Variants in FDFT1 observed in about 807,000 individuals in gnomAD.
The protein encoded by FDFT1 is farnesyl-diphosphate farnesyltransferase 1.
Under a neutral mutation model 46.8 loss-of-function variants are expected in FDFT1, and 68 were observed. The ratio of observed to expected loss-of-function variants is 1.45; its 90% CI spans 1.19 to 1.78. The LOEUF is 1.78. Among genes scored for constraint, FDFT1 ranks in the 40% most tolerant of loss-of-function variants. The pLI, the probability that FDFT1 is intolerant of heterozygous loss-of-function variation, is 0.00. For missense variants in FDFT1, 928 were observed against 524.4 expected, an observed-to-expected ratio of 1.77 and a Z score of -7.52; for synonymous variants, 351 against 185.1, an observed-to-expected ratio of 1.90 and a Z score of -7.28.
chr8:11,827,450 CAAGGTTGGA>C (rs1227905485), intron 5 of FDFT1, among the ~76,000 whole-genome samples: 1,981 of 151,176 alleles, frequency 0.013, 45 homozygotes, highest in African/African-American at 0.045. Context: ...CGCAGGAGCT[CAAGGTTGGA>C]TTGAGTTGTA....
chr8:11,813,103 G>T (rs1016184760), intron 3 of FDFT1, among the ~76,000 whole-genome samples: 1 of 152,166 alleles, frequency 6.6e-6, no homozygotes, highest in Non-Finnish European at 1.5e-5. Flanking sequence ...GAGCACAGTG[G>T]TAAGTATTTG....
In FDFT1 at chr8:11,830,255, G is replaced by T; in HGVS notation, c.714G>T (p.Arg238Ser). The T allele has an allele frequency of 2.5e-6, 4 of 1,613,748 alleles. No homozygotes were observed. Among genetic ancestry groups the T allele is most frequent in the Non-Finnish European group, 3.4e-6 (4 of 1,179,686 alleles). Residue 238 changes from arginine to serine, a missense_variant, in exon 6 of 8, where the codon AGG becomes AGT. Transcript: ENST00000220584. ...REFWPQEVWSRYVKKLGDFAK... is the reference protein window; with the variant it reads ...REFWPQEVWSSYVKKLGDFAK... ...TCTTATCTGTCTAGGTTTGGAGCAGGTATGTTAAGAAGTTAGGGGATTTTG... is the reference window on the plus strand; with the variant it reads ...TCTTATCTGTCTAGGTTTGGAGCAGTTATGTTAAGAAGTTAGGGGATTTTG...
chr8:11,820,212 G>T (rs191947077), intron 3 of FDFT1, among the ~76,000 whole-genome samples: 3 of 152,210 alleles, frequency 2.0e-5, no homozygotes, highest in Admixed American at 1.3e-4. Context: ...CCTTCCTCTG[G>T]AAGCTTCGTC....
rs1047469530 is a variant in FDFT1 at position 11,839,113 on chromosome 8, G to A, written c.*504G>A. On this transcript the variant is annotated 3_prime_UTR_variant, in exon 8 of 8. Coordinates refer to ENST00000220584, the MANE Select transcript of FDFT1 (RefSeq NM_004462.5). ...TAGGTAACAGTTAGATGTTTCCTAA[G>A]AATGCAAACTGCCTTTTCCACACAA... The A allele has an allele frequency of 6.4e-6, 1 of 155,764 alleles. No homozygotes were observed. Among genetic ancestry groups the A allele is most frequent in the Admixed American group, 6.3e-5 (1 of 15,984 alleles). The allele number at this position is 155,764 out of a possible 1,614,324, so 9.6% of individuals were successfully genotyped here.
chr8:11,824,939 C>G (rs2686202), intron 4 of FDFT1, among the ~76,000 whole-genome samples: 82,795 of 151,882 alleles, frequency 0.55, 23,099 homozygotes, highest in Non-Finnish European at 0.6. Flanking sequence ...GTTTCACCGT[C>G]TTAGCCAGGA....
intron 1 of FDFT1, chr8:11,808,080 G>A (rs548880093): frequency 2.3e-4 from 44 of 190,594 alleles, no homozygotes; most frequent in Non-Finnish European, 2.5e-4. Flanking sequence ...AACCTAATCG[G>A]CTGTCTAGGG....
exon 1 of FDFT1, chr8:11,795,696 T>A (rs1002276265): frequency 6.6e-6 from 1 of 151,842 alleles, no homozygotes; most frequent in Non-Finnish European, 1.5e-5. Context: ...ACTCACAGGG[T>A]AGGTTTGCAG....
intron 7 of FDFT1, among the ~76,000 whole-genome samples, chr8:11,832,013 G>C (rs1390355919): frequency 6.6e-6 from 1 of 152,202 alleles, no homozygotes; most frequent in Admixed American, 6.5e-5. Context: ...TGTCTGTGCT[G>C]ATGCAGTGCG....
In FDFT1 at chr8:11,825,940, G is replaced by C. The variant is rs78210988; in HGVS notation, c.511-84G>C. 8.5e-4 allele frequency: 779 copies of C among 917,110 alleles called. 10 individuals carry two copies. The East Asian group carries it at 0.018, about 21-fold the overall frequency. 56.8% of individuals were successfully genotyped at this position (917,110 alleles called of 1,614,324 possible). A position where few individuals can be genotyped will look rare whatever the true frequency, so the allele number is the denominator to read the frequency against. On this transcript the variant is annotated intron_variant, in intron 4 of 7. Transcript: ENST00000220584. ...TTCTTACCCATTCTCTTTTGAACCT[G>C]CTTTTTTGTAGCTAATGATCTCTAG...
chr8:11,833,462 G>A (rs1051228924), intron 7 of FDFT1, among the ~76,000 whole-genome samples: 2 of 152,208 alleles, frequency 1.3e-5, no homozygotes, highest in East Asian at 3.8e-4. Flanking sequence ...AAGTAGTTGA[G>A]AGTGTTTTGG....
chr8:11,826,904 C>T (rs868338729), intron 5 of FDFT1, among the ~76,000 whole-genome samples: 6 of 152,144 alleles, frequency 3.9e-5, no homozygotes, highest in African/African-American at 1.2e-4. Flanking sequence ...GCCTGGATTA[C>T]GTCTACACAG....
rs5889385 is a variant in FDFT1 at position 11,804,600 on chromosome 8, CTT to C, written c.99+1689_99+1690del. Among the ~76,000 whole-genome samples, 230 of 97,336 alleles carry C rather than the reference CTT, an allele frequency of 2.4e-3. 1 individual carries two copies. The highest frequency in any genetic ancestry group is 6.5e-3 in the Middle Eastern group (1 of 154). The allele number at this position is 97,336 out of a possible 152,430, so 63.9% of individuals were successfully genotyped here. A position where few individuals can be genotyped will look rare whatever the true frequency, so the allele number is the denominator to read the frequency against. On this transcript the variant is annotated intron_variant, in intron 1 of 7. Coordinates refer to ENST00000220584, the MANE Select transcript of FDFT1 (RefSeq NM_004462.5). ...TTCACTTAACATTATCTTAGTTTCT[CTT>C]TTTTTTTTTTTTTTTTTTTGAGATG...
intron 3 of FDFT1, among the ~76,000 whole-genome samples, chr8:11,811,000 A>G (rs1766258080): frequency 6.6e-6 from 1 of 151,794 alleles, no homozygotes; most frequent in South Asian, 2.1e-4. Flanking sequence ...AGGCTGTTTC[A>G]GATTGCTGAG....
At chr8:11,826,324 G>A in intron 5 of FDFT1, 109 bp downstream of exon 5, 1 of 740,390 alleles carries the variant, frequency 1.4e-6, no homozygotes, top group Non-Finnish European at 2.2e-6. Flanking sequence ...CCTCCCCCAG[G>A]CAGCATAAGG....
intron 3 of FDFT1, among the ~76,000 whole-genome samples, chr8:11,817,088 G>C (rs1399416274): frequency 1.3e-5 from 2 of 152,156 alleles, no homozygotes; most frequent in Non-Finnish European, 2.9e-5. Context: ...AAAGACTGTT[G>C]AATTTTGTCA....
chr8:11,804,261 C>G (rs952952516), intron 1 of FDFT1, among the ~76,000 whole-genome samples: 1 of 152,172 alleles, frequency 6.6e-6, no homozygotes, highest in Non-Finnish European at 1.5e-5. Flanking sequence ...TCATTTGGGT[C>G]CAGACTTCAT....
intron 1 of FDFT1, among the ~76,000 whole-genome samples, chr8:11,796,869 C>CT (rs1805610906): frequency 6.6e-6 from 1 of 152,220 alleles, no homozygotes; most frequent in African/African-American, 2.4e-5. Flanking sequence ...AAGAAAACAA[C>CT]TTCATTAAAG....
chr8:11,829,279 G>T (rs1810441163), intron 5 of FDFT1, among the ~76,000 whole-genome samples: 1 of 152,186 alleles, frequency 6.6e-6, no homozygotes, highest in African/African-American at 2.4e-5. Context: ...CATTAATGAT[G>T]TTATATAACC....
chr8:11,828,345 T>C (rs1196457162), intron 5 of FDFT1, among the ~76,000 whole-genome samples: 1 of 152,170 alleles, frequency 6.6e-6, no homozygotes, highest in African/African-American at 2.4e-5. Flanking sequence ...AGCTCAGACA[T>C]GGCCTTTTAA....
Sources: gnomAD v4.1 joint callset for allele counts (sites outside exome capture counted in the v4.1 genomes callset) on GRCh38, gnomAD v4.1.1 for gene constraint, MANE v1.5 for transcripts, NCBI Gene and HGNC (gene_info 2026-07-23, HGNC 2026-07-21) for gene names.